CEACAM5: variants seen among roughly 807,000 people sequenced by gnomAD.
CEACAM5 encodes CEA cell adhesion molecule 5, also known as cell adhesion molecule CEACAM5.
In CEACAM5, 52 loss-of-function variants were observed where a neutral mutation model predicts 63.0. That is an observed-to-expected ratio of 0.83 (90% CI 0.66 to 1.04). The LOEUF is 1.04. Among genes scored for constraint, CEACAM5 ranks in the 50% least tolerant of loss-of-function variants. CEACAM5 has a pLI of 0.00. For synonymous variants in CEACAM5, 357 were observed against 351.3 expected (o/e 1.02, Z -0.18); for missense variants, 790 against 864.8 (o/e 0.91, Z 1.08).
chr19:41,728,998 T>C (rs1167306944), intron 9 of CEACAM5, among the ~76,000 whole-genome samples, 186 bp from the exon 10 acceptor site: 1 of 152,170 alleles, frequency 6.6e-6, no homozygotes, highest in African/African-American at 2.4e-5. Flanking sequence ...CTCTAAGTTA[T>C]ATTTATGAGT....
intron 9 of CEACAM5, among the ~76,000 whole-genome samples, chr19:41,728,459 G>A (rs531538028): frequency 1.2e-4 from 19 of 152,262 alleles, no homozygotes; most frequent in African/African-American, 4.1e-4. Flanking sequence ...AGGACTTGGG[G>A]CTAAACCCAT....
chr19:41,708,920 G>T, intron 1 of CEACAM5, 125 bp downstream of exon 1: 1 of 644,956 alleles, frequency 1.6e-6, no homozygotes. Context: ...CATCAGAGAG[G>T]GACAGGAGTC....
chr19:41,710,195 C>T, intron 2 of CEACAM5, 156 bp downstream of exon 2: 3 of 1,131,862 alleles, frequency 2.7e-6, no homozygotes, highest in Middle Eastern at 2.3e-4. Flanking sequence ...AAGAGACAAA[C>T]TTCAACAGAT....
intron 6 of CEACAM5, among the ~76,000 whole-genome samples, chr19:41,719,381 C>A (rs555008387): frequency 6.6e-6 from 1 of 152,128 alleles, no homozygotes; most frequent in East Asian, 1.9e-4. Flanking sequence ...AACTCTGTTC[C>A]CATCAAACTC....
At chr19:41,717,986 G>A (rs1600466853) in intron 5 of CEACAM5, 142 bp from the exon 6 acceptor site, 11 of 1,055,698 alleles carry the variant, frequency 1.0e-5, no homozygotes, top group East Asian at 4.8e-5. Flanking sequence ...CTCAGACTCT[G>A]GCTAATTGGA....
At chr19:41,710,068 G>T in intron 2 of CEACAM5, 29 bp downstream of exon 2, 1 of 1,579,002 alleles carries the variant, frequency 6.3e-7, no homozygotes, top group Non-Finnish European at 8.6e-7. Context: ...ACCTCTGGGT[G>T]TTGGGGGTCA....
rs782438192 is a variant in CEACAM5 at position 41,715,781 on chromosome 19, C to T, written c.835C>T (p.Gln279Ter). Residue 279 changes from glutamine (Q) to a stop codon, truncating the protein, a stop_gained, in exon 4 of 10, where the codon CAA becomes TAA. Transcript: ENST00000221992. LOFTEE classifies it high-confidence loss of function. ...YSWFVNGTFQ[Q>*]STQELFIPNI... ...TTGGTTTGTCAATGGGACTTTCCAG[C>T]AATCCACCCAAGAGCTCTTTATCCC... 5.6e-6 allele frequency: 9 copies of T among 1,614,108 alleles called. No individual in the cohort carries two copies. Among genetic ancestry groups the T allele is most frequent in the Non-Finnish European group, 7.6e-6 (9 of 1,180,056 alleles).
intron 6 of CEACAM5, among the ~76,000 whole-genome samples, chr19:41,719,454 C>A (rs982764811): frequency 3.9e-5 from 6 of 152,184 alleles, no homozygotes; most frequent in Non-Finnish European, 8.8e-5. Context: ...TAGACTTGCT[C>A]CTGGTCTCCT....
intron 2 of CEACAM5, among the ~76,000 whole-genome samples, chr19:41,713,835 T>C (rs2072475150): frequency 6.6e-6 from 1 of 152,226 alleles, no homozygotes; most frequent in East Asian, 1.9e-4. Context: ...CACCAGTCAG[T>C]TCTGCATTTG....
chr19:41,718,043 G>A lies in CEACAM5; in HGVS notation c.1238-85G>A, dbSNP rs2072555815. The A allele has an allele frequency of 2.6e-6, 4 of 1,524,414 alleles. No individual in the cohort carries two copies. In the East Asian group the frequency reaches 6.8e-5, roughly 26 times the overall value. 94.4% of individuals were successfully genotyped at this position (1,524,414 alleles called of 1,614,324 possible). ...ACTTCAGGATTGTGACTTGGCTCAGGGGGACACTGTTGCCCTTTCACAGAC... is the reference window on the plus strand; with the variant it reads ...ACTTCAGGATTGTGACTTGGCTCAGAGGGACACTGTTGCCCTTTCACAGAC... On this transcript the variant is annotated intron_variant, in intron 5 of 9. Coordinates refer to ENST00000221992, the MANE Select transcript of CEACAM5 (RefSeq NM_004363.6).
intron 8 of CEACAM5, among the ~76,000 whole-genome samples, chr19:41,725,497 G>A (rs55997514): frequency 0.27 from 40,713 of 151,658 alleles, 5,975 homozygotes; most frequent in Middle Eastern, 0.38. Context: ...AGCCTCTTGA[G>A]AAGCTGGGAC....
At chr19:41,716,823 G>A (rs1386973013) in intron 4 of CEACAM5, among the ~76,000 whole-genome samples, 1 of 152,136 alleles carries the variant, frequency 6.6e-6, no homozygotes, top group Non-Finnish European at 1.5e-5. Flanking sequence ...TATTCCCCTT[G>A]TTCTGCTTCC....
chr19:41,719,082 T>C (rs957033902), intron 6 of CEACAM5, among the ~76,000 whole-genome samples: 4 of 152,062 alleles, frequency 2.6e-5, no homozygotes, highest in Non-Finnish European at 4.4e-5. Context: ...ACCGGCTGTA[T>C]GAGATTGTGG....
intron 2 of CEACAM5, among the ~76,000 whole-genome samples, chr19:41,714,716 G>C (rs1333737426): frequency 1.3e-5 from 2 of 152,192 alleles, no homozygotes; most frequent in Non-Finnish European, 2.9e-5. Context: ...CCCCAGTCCT[G>C]TGTCTGTTCA....
rs556201612 is a variant in CEACAM5 at position 41,720,952 on chromosome 19, C to T, written c.1802C>T (p.Pro601Leu). ...CCGGACACCCCCATCATTTCCCCCCCAGACTCGTCTTACCTTTCGGGAGCG... is the reference window on the plus strand; with the variant it reads ...CCGGACACCCCCATCATTTCCCCCCTAGACTCGTCTTACCTTTCGGGAGCG... The part of the protein sequence containing the change: ...YGPDTPIISP[P>L]DSSYLSGANL... Residue 601 changes from proline (P) to leucine (L), a missense_variant, in exon 8 of 10, where the codon CCA becomes CTA. By Grantham distance (98) the Pro-to-Leu change is moderately conservative. Coordinates refer to ENST00000221992, the MANE Select transcript of CEACAM5 (RefSeq NM_004363.6). 30 of 1,614,124 alleles carry T rather than the reference C, an allele frequency of 1.9e-5. No homozygotes were observed. Among genetic ancestry groups the T allele is most frequent in the African/African-American group, 1.7e-4 (13 of 75,014 alleles).
Position 41,715,178 on chromosome 19 carries a change from C to A in CEACAM5, c.632C>A (p.Ala211Glu), listed in dbSNP as rs782039954. 6 of 1,614,240 alleles carry A rather than the reference C, an allele frequency of 3.7e-6. No homozygotes were observed. The change falls in exon 3 of 10, where the codon GCA (alanine) becomes GAA (glutamate). Residue 211 changes from alanine to glutamate, a missense_variant. Transcript: ENST00000221992. ...TLFNVTRNDTASYKCETQNPV... is the reference protein window; with the variant it reads ...TLFNVTRNDTESYKCETQNPV... ...TTCAATGTCACAAGAAATGACACAGCAAGCTACAAATGTGAAACCCAGAAC... is the reference window on the plus strand; with the variant it reads ...TTCAATGTCACAAGAAATGACACAGAAAGCTACAAATGTGAAACCCAGAAC...
intron 9 of CEACAM5, among the ~76,000 whole-genome samples, chr19:41,728,137 T>G (rs2072724565): frequency 1.3e-5 from 2 of 152,152 alleles, no homozygotes; most frequent in South Asian, 4.1e-4. Context: ...GATAACCAAT[T>G]CATATGTTCA....
chr19:41,719,922 C>T lies in CEACAM5; in HGVS notation c.1493-8C>T. On this transcript the variant is annotated splice_region_variant and splice_polypyrimidine_tract_variant and intron_variant, in intron 6 of 9. Coordinates refer to ENST00000221992, the MANE Select transcript of CEACAM5 (RefSeq NM_004363.6). ...CACAGGGCAATCTTCTCTCTGTTATCTGCACAGCGGAGCTGCCCAAGCCCT... is the reference window on the plus strand; with the variant it reads ...CACAGGGCAATCTTCTCTCTGTTATTTGCACAGCGGAGCTGCCCAAGCCCT... 1 of 1,614,184 alleles carries T rather than the reference C, an allele frequency of 6.2e-7. No individual in the cohort carries two copies. The highest frequency in any genetic ancestry group is 2.2e-5 in the East Asian group (1 of 44,890).
At position 41,720,036 on chromosome 19, in the gene CEACAM5, G is replaced by T; in HGVS notation, c.1599G>T (p.Leu533=). ...CEPEAQNTTY[L]WWVNGQSLPV... ...CTGAGGCTCAGAACACAACCTACCT[G>T]TGGTGGGTAAATGGTCAGAGCCTCC... is the stretch of plus-strand genomic sequence containing the variant. The change falls in exon 7 of 10, where the codon CTG becomes CTT. Residue 533 remains leucine (L), a synonymous_variant. Transcript: ENST00000221992. 6.2e-7 allele frequency: 1 copy of T among 1,614,232 alleles called. No individual in the cohort carries two copies. The highest frequency in any genetic ancestry group is 8.5e-7 in the Non-Finnish European group (1 of 1,180,044).
Sources: gnomAD v4.1 joint callset for allele counts (sites outside exome capture counted in the v4.1 genomes callset) on GRCh38, gnomAD v4.1.1 for gene constraint, MANE v1.5 for transcripts, NCBI Gene and HGNC (gene_info 2026-07-23, HGNC 2026-07-21) for gene names.